Variants in CELSR3 observed in about 807,000 individuals in gnomAD.
CELSR3 encodes EGF-like protein 1.
Under a neutral mutation model 270.0 loss-of-function variants are expected in CELSR3, and 73 were observed. The observed-to-expected ratio is 0.27, with a 90% CI of 0.22 to 0.33. The LOEUF (loss-of-function observed/expected upper bound fraction) is 0.33, where lower values mean the gene tolerates loss of function less well. Among genes scored for constraint, CELSR3 ranks in the 10% least tolerant of loss-of-function variants. The probability of loss-of-function intolerance (pLI) is 1.00; values close to 1 mark genes in which losing one functional copy is unlikely to be tolerated. For missense variants in CELSR3, 3,614 were observed against 4,533.8 expected (o/e 0.80, Z 5.83); for synonymous variants, 1,780 against 1,905.4 (o/e 0.93, Z 1.71).
At position 48,657,004 on chromosome 3, in the gene CELSR3, C is replaced by A. The variant is rs922901394; in HGVS notation, c.4093G>T (p.Ala1365Ser). 1.9e-6 allele frequency: 3 copies of A among 1,613,014 alleles called. No individual in the cohort carries two copies. The highest frequency in any genetic ancestry group is 2.2e-5 in the East Asian group (1 of 44,882). Residue 1365 changes from alanine (A) to serine (S), a missense_variant, in exon 2 of 35, where the codon GCT becomes TCT. This residue lies in a region of CELSR3 where 1,331 missense variants were observed against 1,933.7 expected (regional missense o/e 0.69). Coordinates refer to ENST00000164024, the MANE Select transcript of CELSR3 (RefSeq NM_001407.3). This position sits in a 1 kb window ranked among gnomAD's most constrained non-coding sequence, Gnocchi z 5.4. ...GGCAGTACGTCGAGCAGGGAGCGAG[C>A]CGCCAGCGCCGCCCGGCGCACGTAC... ...QLYVRRAALA[A>S]RSLLDVLPFD... is the part of the protein sequence containing the mutation.
intron 34 of CELSR3, among the ~76,000 whole-genome samples, chr3:48,638,980 G>A (rs565830082): frequency 4.9e-5 from 7 of 142,424 alleles, no homozygotes; most frequent in African/African-American, 1.8e-4. Context: ...CTCTCCTCTT[G>A]GCTTACAAGA....
rs773939718 is a variant in CELSR3 at position 48,661,572 on chromosome 3, C to G, written c.1063G>C (p.Gly355Arg). ...LRVVAQDPDA[G>R]EAGRLVYSLA... ...GAGTAGACTAGGCGCCCGGCCTCGC[C>G]GGCGTCCGGGTCCTGAGCAACCACG... The change falls in exon 1 of 35, where the codon GGC becomes CGC. Residue 355 changes from glycine to arginine, a missense_variant. By Grantham distance (125) the Gly-to-Arg change is moderately radical (BLOSUM62 -2). Around this residue, in one of 7 missense-constraint regions of CELSR3, gnomAD observed 354 missense variants for 500.9 expected, o/e 0.71. Coordinates refer to ENST00000164024, the MANE Select transcript of CELSR3 (RefSeq NM_001407.3). 3.7e-6 allele frequency: 6 copies of G among 1,608,672 alleles called. No homozygotes were observed. The South Asian group carries it at 5.5e-5, about 15-fold the overall frequency.
In CELSR3 at chr3:48,646,100, G is replaced by T; in HGVS notation, c.7453C>A (p.Pro2485Thr). ...AATGGGGGTCCTCACAGGCCAGGTG[G>T]GTCCCACTGCACACAGATCGCCTTG... ...RSKAICVQWD[P>T]PGLAEQHGVW... Residue 2485 changes from proline (P) to threonine (T), a missense_variant, in exon 22 of 35, where the codon CCA becomes ACA. This residue lies in a region of CELSR3 where 1,240 missense variants were observed against 1,351.7 expected (regional missense o/e 0.92). Coordinates refer to ENST00000164024, the MANE Select transcript of CELSR3 (RefSeq NM_001407.3). The surrounding 1 kb of genome is among the most constrained non-coding windows in gnomAD (Gnocchi z 4.8). 2 of 1,612,686 alleles carry T rather than the reference G, an allele frequency of 1.2e-6. No individual in the cohort carries two copies. The highest frequency in any genetic ancestry group is 1.3e-5 in the African/African-American group (1 of 75,044).
At position 48,639,986 on chromosome 3, in the gene CELSR3, G is replaced by A. The variant is rs2047008483; in HGVS notation, c.9599C>T (p.Ser3200Phe). ...PLDSLSRSSNSREQLDQVPSR... is the reference protein window; with the variant it reads ...PLDSLSRSSNFREQLDQVPSR... ...AGGCACCTGGTCCAGCTGCTCCCGAGAGTTCGAGCTCCTAGACAGAGAGTC... is the reference window on the plus strand; with the variant it reads ...AGGCACCTGGTCCAGCTGCTCCCGAAAGTTCGAGCTCCTAGACAGAGAGTC... Residue 3200 changes from serine (S) to phenylalanine (F), a missense_variant, in exon 34 of 35, where the codon TCT (serine) becomes TTT (phenylalanine). Coordinates refer to ENST00000164024, the MANE Select transcript of CELSR3 (RefSeq NM_001407.3). This position sits in a 1 kb window ranked among gnomAD's most constrained non-coding sequence, Gnocchi z 4.1. The A allele has an allele frequency of 1.2e-6, 2 of 1,612,574 alleles. No homozygotes were observed. Among genetic ancestry groups the A allele is most frequent in the Non-Finnish European group, 8.5e-7 (1 of 1,180,010 alleles).
Position 48,660,662 on chromosome 3 carries a change from A to G in CELSR3, c.1973T>C (p.Val658Ala), listed in dbSNP as rs1373269866. 6.2e-7 allele frequency: 1 copy of G among 1,613,974 alleles called. No homozygotes were observed. Among genetic ancestry groups the G allele is most frequent in the East Asian group, 2.2e-5 (1 of 44,896 alleles). ...IPIFVSTPFQVSVLENAPLGH... is the reference protein window; with the variant it reads ...IPIFVSTPFQASVLENAPLGH... ...CAAGGGAGCATTTTCCAAGACAGAA[A>G]CTTGGAAGGGCGTGCTGACAAAAAT... is the stretch of plus-strand genomic sequence containing the variant. Residue 658 changes from valine (V) to alanine (A), a missense_variant, in exon 1 of 35, where the codon GTT (valine) becomes GCT (alanine). Physicochemically the swap from Val to Ala is moderately conservative, Grantham distance 64. Coordinates refer to ENST00000164024, the MANE Select transcript of CELSR3 (RefSeq NM_001407.3). This position sits in a 1 kb window ranked among gnomAD's most constrained non-coding sequence, Gnocchi z 5.5.
chr3:48,652,454 G>C lies in CELSR3; in HGVS notation c.5734C>G (p.Leu1912Val). ...ACCCCCACCTGGATGCAGCCAACCAGACCCTGAGGAGCCTCCTCTGCACTG... is the reference window on the plus strand; with the variant it reads ...ACCCCCACCTGGATGCAGCCAACCACACCCTGAGGAGCCTCCTCTGCACTG... ...PGSAEEAPQGLVGCIQGVWLG... is the reference protein window; with the variant it reads ...PGSAEEAPQGVVGCIQGVWLG... The change falls in exon 11 of 35, where the codon CTG (leucine) becomes GTG (valine). Residue 1912 changes from leucine to valine, a missense_variant. This residue lies in a region of CELSR3 where 1,331 missense variants were observed against 1,933.7 expected (regional missense o/e 0.69). Transcript: ENST00000164024. This position sits in a 1 kb window ranked among gnomAD's most constrained non-coding sequence, Gnocchi z 4.3. The C allele has an allele frequency of 6.2e-7, 1 of 1,613,606 alleles. No individual in the cohort carries two copies. Among genetic ancestry groups the C allele is most frequent in the Non-Finnish European group, 8.5e-7 (1 of 1,179,774 alleles).
In CELSR3 at chr3:48,652,498, A is replaced by G; in HGVS notation, c.5690T>C (p.Val1897Ala). Residue 1897 changes from valine (V) to alanine (A), a missense_variant, in exon 11 of 35, where the codon GTG becomes GCG. This residue lies in a region of CELSR3 where 1,331 missense variants were observed against 1,933.7 expected (regional missense o/e 0.69). Coordinates refer to ENST00000164024, the MANE Select transcript of CELSR3 (RefSeq NM_001407.3). This position sits in a 1 kb window ranked among gnomAD's most constrained non-coding sequence, Gnocchi z 4.3. ...TGCACTGCCGGGGGGCAGGCCTCCC[A>G]CGTGGAGCTGCTTTACCTTCAGGCC... Reference protein sequence around the residue: ...LQGLKVKQLHVGGLPPGSAEE... With the variant: ...LQGLKVKQLHAGGLPPGSAEE... 1 of 1,613,674 alleles carries G rather than the reference A, an allele frequency of 6.2e-7. No homozygotes were observed. Among genetic ancestry groups the G allele is most frequent in the Non-Finnish European group, 8.5e-7 (1 of 1,179,960 alleles).
At position 48,652,000 on chromosome 3, in the gene CELSR3, G is replaced by A; in HGVS notation, c.5800C>T (p.Pro1934Ser). ...TPSGSPALLP[P>S]SHRVNAEPGC... The stretch of plus-strand genomic sequence containing the variant: ...GGCTCCGCATTCACTCGGTGGCTGG[G>A]GGGTAGCAGGGCCGGGGAGCCAGAG... The change falls in exon 12 of 35, where the codon CCC (proline) becomes TCC (serine). Residue 1934 changes from proline (P) to serine (S), a missense_variant. Transcript: ENST00000164024. This position sits in a 1 kb window ranked among gnomAD's most constrained non-coding sequence, Gnocchi z 7.4. 5.0e-6 allele frequency: 8 copies of A among 1,586,542 alleles called. No homozygotes were observed. The highest frequency in any genetic ancestry group is 6.8e-6 in the Non-Finnish European group (8 of 1,169,282).
Position 48,656,370 on chromosome 3 carries a change from G to A in CELSR3, c.4400-5C>T. ...TGTCCAGCTCGCAGTCCTCTCCTGG[G>A]GGCCAAGCCGCGGTCAGAGGCGGTC... On this transcript the variant is annotated splice_polypyrimidine_tract_variant and splice_region_variant and intron_variant, in intron 2 of 34. Transcript: ENST00000164024. 2.8e-6 allele frequency: 4 copies of A among 1,407,790 alleles called. No homozygotes were observed. Among genetic ancestry groups the A allele is most frequent in the Middle Eastern group, 2.6e-4 (1 of 3,874 alleles). The allele number at this position is 1,407,790 out of a possible 1,614,324, so 87.2% of individuals were successfully genotyped here.
chr3:48,647,918 A>AAGAGGTTGCTATGGT lies in CELSR3; in HGVS notation c.7037_7051dup (p.Tyr2346_Leu2350dup). On this transcript the variant is annotated inframe_insertion, in exon 20 of 35. Transcript: ENST00000164024. The stretch of plus-strand genomic sequence containing the variant: ...AGGATCCCAGGCATCCTGGCCTCGA[A>AAGAGGTTGCTATGGT]AGAGGTTGCTATGGTAGCGAGGGTA... 1 of 1,612,058 alleles carries AAGAGGTTGCTATGGT rather than the reference A, an allele frequency of 6.2e-7. No homozygotes were observed. Among genetic ancestry groups the AAGAGGTTGCTATGGT allele is most frequent in the Non-Finnish European group, 8.5e-7 (1 of 1,179,676 alleles).
In CELSR3 at chr3:48,660,619, G is replaced by C; in HGVS notation, c.2016C>G (p.His672Gln). 1 of 1,614,226 alleles carries C rather than the reference G, an allele frequency of 6.2e-7. No individual in the cohort carries two copies. Among genetic ancestry groups the C allele is most frequent in the Non-Finnish European group, 8.5e-7 (1 of 1,180,046 alleles). The change falls in exon 1 of 35, where the codon CAC becomes CAG. Residue 672 changes from histidine to glutamine, a missense_variant. By Grantham distance (24) the His-to-Gln change is conservative. This residue lies in a region of CELSR3 where 354 missense variants were observed against 500.9 expected (regional missense o/e 0.71). Coordinates refer to ENST00000164024, the MANE Select transcript of CELSR3 (RefSeq NM_001407.3). The surrounding 1 kb of genome is among the most constrained non-coding windows in gnomAD (Gnocchi z 5.5). ...CATGGTCTGCATCGACTGCCTGAAT[G>C]TGGATGACTGAGTGACCCAAGGGAG... ...ENAPLGHSVI[H>Q]IQAVDADHGE...
In CELSR3 at chr3:48,640,146, C is replaced by T. The variant is rs2047010950; in HGVS notation, c.9439G>A (p.Gly3147Arg). Residue 3147 changes from glycine to arginine, a missense_variant, in exon 34 of 35, where the codon GGG (glycine) becomes AGG (arginine). Coordinates refer to ENST00000164024, the MANE Select transcript of CELSR3 (RefSeq NM_001407.3). The surrounding 1 kb of genome is among the most constrained non-coding windows in gnomAD (Gnocchi z 7.5). ...GTGCTCAACCACTCTCGAGGTGCCC[C>T]TAAGTCGAGCGCATCCCGTGACCCG... ...RFGSRDALDL[G>R]APREWLSTLP... is the part of the protein sequence containing the mutation. The T allele has an allele frequency of 6.8e-6, 11 of 1,612,370 alleles. 1 individual carries two copies. The highest frequency in any genetic ancestry group is 1.6e-4 in the Middle Eastern group (1 of 6,082).
intron 34 of CELSR3, among the ~76,000 whole-genome samples, chr3:48,638,912 C>T (rs2046997839): frequency 6.8e-6 from 1 of 147,916 alleles, no homozygotes; most frequent in African/African-American, 2.5e-5. Context: ...CCCAAGCCAT[C>T]TCTTACCCCA....
chr3:48,643,200 C>T, intron 28 of CELSR3, 117 bp from the exon 29 acceptor site: 1 of 719,450 alleles, frequency 1.4e-6, no homozygotes. Context: ...CAGTGAGGAG[C>T]CCATGCGGGA....
Position 48,650,865 on chromosome 3 carries a change from G to A in CELSR3, c.6370+27C>T, listed in dbSNP as rs745661404. The A allele has an allele frequency of 1.2e-6, 2 of 1,602,320 alleles. No individual in the cohort carries two copies. Among genetic ancestry groups the A allele is most frequent in the South Asian group, 1.1e-5 (1 of 89,960 alleles). On this transcript the variant is annotated intron_variant, in intron 15 of 34. Transcript: ENST00000164024. The surrounding 1 kb of genome is among the most constrained non-coding windows in gnomAD (Gnocchi z 5.1). ...TGGCACACTGGAACCAGCCCTCTAT[G>A]GGTGGAGCTGGGTGGAGCCTGCTCA... is the stretch of plus-strand genomic sequence containing the variant.
chr3:48,643,705 G>A (rs2047051364), intron 27 of CELSR3, 28 bp from the exon 28 acceptor site: 5 of 1,550,906 alleles, frequency 3.2e-6, no homozygotes, highest in Non-Finnish European at 4.4e-6. Context: ...GAAGACACAG[G>A]AGGACATGCA....
At position 48,661,757 on chromosome 3, in the gene CELSR3, G is replaced by A. The variant is rs1429027720; in HGVS notation, c.878C>T (p.Pro293Leu). 6.3e-7 allele frequency: 1 copy of A among 1,586,426 alleles called. No individual in the cohort carries two copies. The highest frequency in any genetic ancestry group is 8.6e-7 in the Non-Finnish European group (1 of 1,168,438). The change falls in exon 1 of 35, where the codon CCG (proline) becomes CTG (leucine). Residue 293 changes from proline (P) to leucine (L), a missense_variant. Transcript: ENST00000164024. ...RCRFLPQRPG[P>L]RPPGLPARPE... ...ACGGGCCGGGAGTCCCGGGGGACGC[G>A]GCCCGGGGCGCTGCGGGAGGAAGCG...
rs1276970699 is a variant in CELSR3, at chr3:48,639,894, CCGAGTCCTCCCTAGCTCTGAG to C, written c.9670_9690del (p.Leu3224_Ser3230del). ...GAGGGGCCATGGCTGGGGCCACTGA[CCGAGTCCTCCCTAGCTCTGAG>C]CAGCTGCGGGAGTGGCCCAAGGGCT... On this transcript the variant is annotated inframe_deletion, in exon 34 of 35. Transcript: ENST00000164024. This position sits in a 1 kb window ranked among gnomAD's most constrained non-coding sequence, Gnocchi z 4.1. 1 of 1,613,246 alleles carries C rather than the reference CCGAGTCCTCCCTAGCTCTGAG, an allele frequency of 6.2e-7. No homozygotes were observed. Among genetic ancestry groups the C allele is most frequent in the East Asian group, 2.2e-5 (1 of 44,890 alleles).
In CELSR3 at chr3:48,652,603, CCT is replaced by C. The variant is rs779950470; in HGVS notation, c.5635-52_5635-51del. 2.9e-6 allele frequency: 4 copies of C among 1,398,582 alleles called. No homozygotes were observed. The highest frequency in any genetic ancestry group is 1.8e-4 in the Middle Eastern group (1 of 5,490). 86.6% of individuals were successfully genotyped at this position (1,398,582 alleles called of 1,614,324 possible). On this transcript the variant is annotated intron_variant, in intron 10 of 34. Transcript: ENST00000164024. This position sits in a 1 kb window ranked among gnomAD's most constrained non-coding sequence, Gnocchi z 4.3. ...CTGAGGGAGAGGGGCCTGATGAACC[CCT>C]GTCATAGCCCAGAGTCAGTCTTGGC...
Sources: gnomAD v4.1 joint callset for allele counts (sites outside exome capture counted in the v4.1 genomes callset) on GRCh38, gnomAD v4.1.1 for gene constraint, gnomAD v4.1.1 regional missense constraint, Gnocchi (gnomAD v3.1) non-coding constraint, MANE v1.5 for transcripts, NCBI Gene and HGNC (gene_info 2026-07-23, HGNC 2026-07-21) for gene names.